Variants in PIK3R5 observed in about 807,000 individuals in gnomAD.
PIK3R5 encodes phosphoinositide-3-kinase regulatory subunit 5, also known as phosphoinositide 3-kinase regulatory subunit 5.
In PIK3R5, 32 loss-of-function variants were observed where a neutral mutation model predicts 94.9. The ratio of observed to expected loss-of-function variants is 0.34; its 90% CI spans 0.25 to 0.45. The LOEUF is 0.45. Among genes scored for constraint, PIK3R5 ranks in the 20% least tolerant of loss-of-function variants. The probability of loss-of-function intolerance (pLI) is 1.00; values close to 1 mark genes in which losing one functional copy is unlikely to be tolerated. For missense variants in PIK3R5, 853 were observed against 1,144.6 expected, an observed-to-expected ratio of 0.75 and a Z score of 3.68; for synonymous variants, 443 against 479.4, an observed-to-expected ratio of 0.92 and a Z score of 0.99.
Position 8,893,046 on chromosome 17 carries a change from C to CTGTGTGTGTG in PIK3R5, c.482+530_482+539dup, listed in dbSNP as rs199732856. Reference sequence around the variant, plus strand: ...GTAACCAGGATACATTTCATTTCAGCTGTGTGTGTGTGTGTGTGTGTGTGT... The same window carrying CTGTGTGTGTG: ...GTAACCAGGATACATTTCATTTCAGCTGTGTGTGTGTGTGTGTGTGTGTGTGTGTGTGTGT... On this transcript the variant is annotated intron_variant, in intron 6 of 18. Transcript: ENST00000447110. This position sits in a 1 kb window ranked among gnomAD's most constrained non-coding sequence, Gnocchi z 5.1. 9.4e-3 allele frequency among the ~76,000 whole-genome samples: 1,279 copies of CTGTGTGTGTG among 135,826 alleles called. 18 individuals carry two copies. The highest frequency in any genetic ancestry group is 0.036 in the African/African-American group (1,198 of 33,068). 89.1% of individuals were successfully genotyped at this position (135,826 alleles called of 152,430 possible).
At position 8,884,676 on chromosome 17, in the gene PIK3R5, G is replaced by A. The variant is rs768102139; in HGVS notation, c.2205+31C>T. The A allele has an allele frequency of 6.5e-7, 1 of 1,548,346 alleles. No homozygotes were observed. The highest frequency in any genetic ancestry group is 8.9e-7 in the Non-Finnish European group (1 of 1,121,040). On this transcript the variant is annotated intron_variant, in intron 15 of 18. Coordinates refer to ENST00000447110, the MANE Select transcript of PIK3R5 (RefSeq NM_001142633.3). This position sits in a 1 kb window ranked among gnomAD's most constrained non-coding sequence, Gnocchi z 5.8. ...GGAGGAAGTATCAGCAGCAGATCCT[G>A]GAGGGGAAGGAGCCCCAGCACGGGT...
chr17:8,963,795 T>C (rs2091609322), intron 1 of PIK3R5, among the ~76,000 whole-genome samples: 1 of 152,050 alleles, frequency 6.6e-6, no homozygotes, highest in Non-Finnish European at 1.5e-5. Flanking sequence ...ATCATCCCTC[T>C]CGTAAGCTAG....
At position 8,888,080 on chromosome 17, in the gene PIK3R5, C is replaced by T. The variant is rs928254202; in HGVS notation, c.1616+91G>A. 1.1e-6 allele frequency: 1 copy of T among 919,180 alleles called. No homozygotes were observed. The highest frequency in any genetic ancestry group is 1.7e-6 in the Non-Finnish European group (1 of 604,936). The allele number at this position is 919,180 out of a possible 1,614,324, so 56.9% of individuals were successfully genotyped here. ...AAATAAATAAGGGAACTTTTGGTTC[C>T]TCTGGGGCCCTAAGCCTCAGGCCCC... is the stretch of plus-strand genomic sequence containing the variant. On this transcript the variant is annotated intron_variant, in intron 10 of 18. Coordinates refer to ENST00000447110, the MANE Select transcript of PIK3R5 (RefSeq NM_001142633.3). This position sits in a 1 kb window ranked among gnomAD's most constrained non-coding sequence, Gnocchi z 7.8.
chr17:8,941,822 G>A (rs2091186077), intron 1 of PIK3R5, among the ~76,000 whole-genome samples: 1 of 152,186 alleles, frequency 6.6e-6, no homozygotes, highest in Non-Finnish European at 1.5e-5. Flanking sequence ...TTCATCCTAC[G>A]GCCTCCCTCA....
intron 1 of PIK3R5, among the ~76,000 whole-genome samples, chr17:8,930,073 C>T (rs1162799504): frequency 6.6e-6 from 1 of 152,206 alleles, no homozygotes; most frequent in Non-Finnish European, 1.5e-5. Flanking sequence ...AATTCAACAA[C>T]ACTATCAGTC....
At chr17:8,941,774 G>A (rs555734824) in intron 1 of PIK3R5, among the ~76,000 whole-genome samples, 19 of 152,288 alleles carry the variant, frequency 1.2e-4, no homozygotes, top group African/African-American at 2.6e-4. Flanking sequence ...TGCTGCTTGC[G>A]GCCTGTGGAT....
At position 8,889,283 on chromosome 17, in the gene PIK3R5, C is replaced by A; in HGVS notation, c.812-61G>T. The stretch of plus-strand genomic sequence containing the variant: ...GAAGAGGCCTTGGAGATTGGCCAGT[C>A]CAGTCCCCTTGCCTTGGAGAAGAGA... On this transcript the variant is annotated intron_variant, in intron 8 of 18. Coordinates refer to ENST00000447110, the MANE Select transcript of PIK3R5 (RefSeq NM_001142633.3). This position sits in a 1 kb window ranked among gnomAD's most constrained non-coding sequence, Gnocchi z 4.1. The A allele has an allele frequency of 1.6e-6, 2 of 1,264,494 alleles. No individual in the cohort carries two copies. Among genetic ancestry groups the A allele is most frequent in the South Asian group, 1.3e-5 (1 of 78,414 alleles). 78.3% of individuals were successfully genotyped at this position (1,264,494 alleles called of 1,614,324 possible).
intron 1 of PIK3R5, among the ~76,000 whole-genome samples, chr17:8,949,335 T>A (rs1047546630): frequency 1.3e-5 from 2 of 152,154 alleles, no homozygotes; most frequent in African/African-American, 4.8e-5. Context: ...AAAGGTAGAT[T>A]GCGGGGAAAG....
Position 8,911,834 on chromosome 17 carries a change from AC to A in PIK3R5, c.-13-328del. 1 of 197,274 alleles carries A rather than the reference AC, an allele frequency of 5.1e-6. No individual in the cohort carries two copies. Among genetic ancestry groups the A allele is most frequent in the Non-Finnish European group, 1.0e-5 (1 of 96,310 alleles). 12.2% of individuals were successfully genotyped at this position (197,274 alleles called of 1,614,324 possible). A position where few individuals can be genotyped will look rare whatever the true frequency, so the allele number is the denominator to read the frequency against. On this transcript the variant is annotated intron_variant, in intron 1 of 18. Transcript: ENST00000447110. This position sits in a 1 kb window ranked among gnomAD's most constrained non-coding sequence, Gnocchi z 5.3. ...CGCCAAGTACCCAGGGAGTGGTCAG[AC>A]CCCAGTGGGCTGGGCAGGAAGATCC... is the stretch of plus-strand genomic sequence containing the variant.
In PIK3R5 at chr17:8,885,880, G is replaced by A. The variant is rs437627; in HGVS notation, c.2128+349C>T. Among the ~76,000 whole-genome samples, 12 of 60,612 alleles carry A rather than the reference G, an allele frequency of 2.0e-4. 1 individual carries two copies. Among genetic ancestry groups the A allele is most frequent in the African/African-American group, 4.1e-4 (5 of 12,130 alleles). The allele number at this position is 60,612 out of a possible 152,430, so 39.8% of individuals were successfully genotyped here. ...GGTAACTCCGCCTCCCCATGGCCCT[G>A]CCTCCCGGTAACCCTGCCTCCCCAA... is the stretch of plus-strand genomic sequence containing the variant. On this transcript the variant is annotated intron_variant, in intron 14 of 18. Transcript: ENST00000447110.
intron 1 of PIK3R5, among the ~76,000 whole-genome samples, chr17:8,942,014 C>T (rs987218912): frequency 6.6e-6 from 1 of 152,198 alleles, no homozygotes; most frequent in Non-Finnish European, 1.5e-5. Flanking sequence ...CAGGGAGGCT[C>T]AGGGGGCCGG....
In PIK3R5 at chr17:8,896,728, C is replaced by T. The variant is rs536819293; in HGVS notation, c.413-3073G>A. Among the ~76,000 whole-genome samples, 2 of 152,320 alleles carry T rather than the reference C, an allele frequency of 1.3e-5. No homozygotes were observed. Among genetic ancestry groups the T allele is most frequent in the South Asian group, 4.1e-4 (2 of 4,828 alleles). ...ACAGGAAAATCACTACATCTGCCAT[C>T]AAGCAAGCACTGGTATTAATGACAC... On this transcript the variant is annotated intron_variant, in intron 5 of 18. Coordinates refer to ENST00000447110, the MANE Select transcript of PIK3R5 (RefSeq NM_001142633.3). The surrounding 1 kb of genome is among the most constrained non-coding windows in gnomAD (Gnocchi z 4.0).
At chr17:8,887,419 C>T in intron 11 of PIK3R5, 102 bp downstream of exon 11, 1 of 1,373,840 alleles carries the variant, frequency 7.3e-7, no homozygotes. Flanking sequence ...GGGGGAGGTG[C>T]CCTGTCAACA....
intron 1 of PIK3R5, among the ~76,000 whole-genome samples, chr17:8,922,242 T>G (rs543938077): frequency 6.6e-6 from 1 of 152,236 alleles, no homozygotes; most frequent in African/African-American, 2.4e-5. Flanking sequence ...GGTACTATGT[T>G]GGGCGCTTTC....
chr17:8,913,430 G>T (rs986186890), intron 1 of PIK3R5, among the ~76,000 whole-genome samples: 1 of 152,222 alleles, frequency 6.6e-6, no homozygotes, highest in African/African-American at 2.4e-5. Context: ...CGGGTGGCTG[G>T]GTGCGGTGGC....
intron 1 of PIK3R5, among the ~76,000 whole-genome samples, chr17:8,949,910 T>A (rs1008427097): frequency 2.0e-5 from 3 of 152,244 alleles, no homozygotes; most frequent in African/African-American, 7.2e-5. Flanking sequence ...AATAAAAATT[T>A]AAAAACAATT....
chr17:8,902,572 C>A (rs2090310772), intron 5 of PIK3R5, among the ~76,000 whole-genome samples: 2 of 151,916 alleles, frequency 1.3e-5, no homozygotes, highest in Non-Finnish European at 2.9e-5. Context: ...ATTTTTATTG[C>A]AAATATTTTT....
At chr17:8,885,535 G>A (rs1418359258) in intron 14 of PIK3R5, among the ~76,000 whole-genome samples, 3 of 116,886 alleles carry the variant, frequency 2.6e-5, no homozygotes, top group African/African-American at 6.9e-5. Context: ...CCATGGCCCT[G>A]CCTCCCGGTA....
intron 1 of PIK3R5, among the ~76,000 whole-genome samples, chr17:8,912,990 G>T (rs922982409): frequency 2.0e-5 from 3 of 152,218 alleles, no homozygotes; most frequent in African/African-American, 7.2e-5. Context: ...TGTCTGCCAT[G>T]TGCCAGGCAC....
Sources: allele counts gnomAD v4.1 joint callset (sites outside exome capture counted in the v4.1 genomes callset), GRCh38; gene constraint gnomAD v4.1.1; non-coding constraint Gnocchi (gnomAD v3.1); transcripts MANE v1.5; gene names NCBI Gene and HGNC (gene_info 2026-07-23, HGNC 2026-07-21).